Variants in CSMD3 observed in about 807,000 individuals in gnomAD.
CSMD3 encodes the protein CUB and Sushi multiple domains 3, also known as CUB and sushi domain-containing protein 3.
Under a neutral mutation model 435.2 loss-of-function variants are expected in CSMD3, and 177 were observed. The observed-to-expected ratio is 0.41, with a 90% CI of 0.36 to 0.46. The LOEUF (loss-of-function observed/expected upper bound fraction) is 0.46. CSMD3 is among the 20% of genes least tolerant of loss of function. The pLI is 0.34. For missense variants in CSMD3, 4,265 were observed against 4,504.6 expected (o/e 0.95, Z 1.52); for synonymous variants, 1,656 against 1,520.5 (o/e 1.09, Z -2.07).
At chr8:112,339,139 G>A (rs1824851804) in intron 42 of CSMD3, among the ~76,000 whole-genome samples, 1 of 152,070 alleles carries the variant, frequency 6.6e-6, no homozygotes, top group Non-Finnish European at 1.5e-5. Flanking sequence ...TGGCCCAGCA[G>A]ATGAGAAATT....
At chr8:113,093,170 T>C (rs1389004410) in intron 5 of CSMD3, among the ~76,000 whole-genome samples, 1 of 152,002 alleles carries the variant, frequency 6.6e-6, no homozygotes. Context: ...TGTGTACAGA[T>C]AGAAACAAAG....
intron 5 of CSMD3, among the ~76,000 whole-genome samples, chr8:113,055,684 A>G (rs1477990219): frequency 6.6e-6 from 1 of 152,198 alleles, no homozygotes; most frequent in African/African-American, 2.4e-5. Flanking sequence ...TGAGCATAAC[A>G]TTCTTTAAGT....
At chr8:112,531,877 A>C (rs1211968240) in intron 27 of CSMD3, among the ~76,000 whole-genome samples, 1 of 152,126 alleles carries the variant, frequency 6.6e-6, no homozygotes, top group East Asian at 1.9e-4. Flanking sequence ...AAACAGACTA[A>C]CTAAGGCGCC....
rs150062632 is a variant in CSMD3 at position 112,295,573 on chromosome 8, A to C, written c.8614+260T>G. On this transcript the variant is annotated intron_variant, in intron 54 of 70. Coordinates refer to ENST00000297405, the MANE Select transcript of CSMD3 (RefSeq NM_198123.2). ...ATGTGTCTTCCATATAAGAATATTA[A>C]TTTATCAATATTATATATTTATATT... Among the ~76,000 whole-genome samples, 122 of 151,704 alleles carry C rather than the reference A, an allele frequency of 8.0e-4. 1 individual carries two copies. The East Asian group carries it at 0.023, about 29-fold the overall frequency.
At chr8:113,122,212 A>AT (rs1332566115) in intron 4 of CSMD3, among the ~76,000 whole-genome samples, 2 of 152,074 alleles carry the variant, frequency 1.3e-5, no homozygotes, top group African/African-American at 4.8e-5. Context: ...ACTGTTGGAT[A>AT]TTTTACTTTT....
chr8:113,427,244 T>A (rs901202962), intron 1 of CSMD3, among the ~76,000 whole-genome samples: 2 of 151,492 alleles, frequency 1.3e-5, no homozygotes, highest in Non-Finnish European at 3.0e-5. Flanking sequence ...TTAAGTATAA[T>A]TTAATAAAAA....
At chr8:112,296,248 C>A (rs1362610022) in intron 53 of CSMD3, among the ~76,000 whole-genome samples, 1 of 152,022 alleles carries the variant, frequency 6.6e-6, no homozygotes, top group Non-Finnish European at 1.5e-5. Flanking sequence ...TAAAATATCT[C>A]AATGTGTAAA....
At chr8:112,297,037 G>A (rs894722094) in intron 53 of CSMD3, among the ~76,000 whole-genome samples, 2 of 149,096 alleles carry the variant, frequency 1.3e-5, no homozygotes, top group African/African-American at 4.9e-5. Context: ...ACTAACACAA[G>A]GTAAAAATAT....
At chr8:112,779,747 C>A (rs2078336776) in intron 13 of CSMD3, among the ~76,000 whole-genome samples, 1 of 151,938 alleles carries the variant, frequency 6.6e-6, no homozygotes, top group East Asian at 1.9e-4. Flanking sequence ...AAATTTTATT[C>A]TAAAATTCTG....
intron 61 of CSMD3, among the ~76,000 whole-genome samples, chr8:112,258,220 G>A (rs1274048125): frequency 6.6e-6 from 1 of 152,094 alleles, no homozygotes; most frequent in African/African-American, 2.4e-5. Context: ...ATAGGCATCG[G>A]CAAAGACTTC....
intron 59 of CSMD3, among the ~76,000 whole-genome samples, chr8:112,267,736 C>T (rs774074898): frequency 1.3e-5 from 2 of 151,900 alleles, no homozygotes; most frequent in Non-Finnish European, 2.9e-5. Flanking sequence ...TACAGATGCA[C>T]GAAGAAAGAG....
chr8:113,067,734 C>T (rs950114231), intron 5 of CSMD3, among the ~76,000 whole-genome samples: 1 of 151,996 alleles, frequency 6.6e-6, no homozygotes, highest in African/African-American at 2.4e-5. Context: ...ATTAAAAATA[C>T]TTCTCATATG....
At chr8:112,969,995 C>G (rs961818181) in intron 7 of CSMD3, among the ~76,000 whole-genome samples, 1 of 151,976 alleles carries the variant, frequency 6.6e-6, no homozygotes, top group African/African-American at 2.4e-5. Flanking sequence ...CTAAATGAAT[C>G]TTGAATGAAT....
At chr8:112,679,381 A>G (rs2075837584) in intron 16 of CSMD3, among the ~76,000 whole-genome samples, 1 of 152,056 alleles carries the variant, frequency 6.6e-6, no homozygotes, top group South Asian at 2.1e-4. Context: ...CTTGGCTCCA[A>G]CCTCATCCTT....
intron 3 of CSMD3, among the ~76,000 whole-genome samples, chr8:113,181,081 A>G (rs1193967222): frequency 1.3e-5 from 2 of 151,864 alleles, no homozygotes; most frequent in African/African-American, 4.8e-5. Context: ...AACCCAAATA[A>G]ATTACTGGTT....
intron 3 of CSMD3, among the ~76,000 whole-genome samples, chr8:113,186,831 T>C (rs1446613709): frequency 2.0e-5 from 3 of 151,970 alleles, no homozygotes; most frequent in Admixed American, 2.0e-4. Flanking sequence ...TCCCAAGTCC[T>C]CGTAGTTGTT....
At chr8:112,981,069 A>G (rs867455725) in intron 6 of CSMD3, among the ~76,000 whole-genome samples, 3 of 151,670 alleles carry the variant, frequency 2.0e-5, no homozygotes, top group Non-Finnish European at 3.0e-5. Flanking sequence ...CAAAAAATGT[A>G]TATCTACATT....
intron 6 of CSMD3, among the ~76,000 whole-genome samples, chr8:113,003,624 G>A (rs1329436068): frequency 3.3e-5 from 5 of 152,014 alleles, no homozygotes; most frequent in African/African-American, 9.7e-5. Context: ...AGGTTTTGAG[G>A]GAGGCAGAGG....
intron 10 of CSMD3, among the ~76,000 whole-genome samples, chr8:112,908,497 T>A (rs960276131): frequency 3.1e-4 from 47 of 151,694 alleles, no homozygotes; most frequent in African/African-American, 1.0e-3. Context: ...TCTCTGGCAA[T>A]GTTCACTATT....
Sources: gnomAD v4.1 joint callset for allele counts (sites outside exome capture counted in the v4.1 genomes callset) on GRCh38, gnomAD v4.1.1 for gene constraint, MANE v1.5 for transcripts, NCBI Gene and HGNC (gene_info 2026-07-23, HGNC 2026-07-21) for gene names.